The following SYNPR variants were observed in gnomAD, a reference collection of about 807,000 sequenced individuals.
The protein encoded by SYNPR is synaptoporin.
In SYNPR, 23 loss-of-function variants were observed where a neutral mutation model predicts 32.9. The observed-to-expected ratio is 0.70, with a 90% CI of 0.50 to 0.99. The LOEUF (loss-of-function observed/expected upper bound fraction) is 0.99, where lower values mean the gene tolerates loss of function less well. SYNPR is among the 50% of genes least tolerant of loss of function. The probability of loss-of-function intolerance (pLI) is 0.00; values close to 1 mark genes in which losing one functional copy is unlikely to be tolerated. For missense variants in SYNPR, 318 were observed against 349.3 expected (o/e 0.91, Z 0.71); for synonymous variants, 146 against 135.9 (o/e 1.07, Z -0.52).
chr3:63,254,464 A>T (rs548584731), intron 2 of SYNPR, among the ~76,000 whole-genome samples: 25 of 152,332 alleles, frequency 1.6e-4, no homozygotes, highest in African/African-American at 5.8e-4. Flanking sequence ...AGACTACATC[A>T]TAAGCTGCTG....
At chr3:63,609,859 A>G (rs2106904873) in intron 5 of SYNPR, among the ~76,000 whole-genome samples, 1 of 152,290 alleles carries the variant, frequency 6.6e-6, no homozygotes, top group East Asian at 1.9e-4. Flanking sequence ...GCAGTGAGCC[A>G]AGATCAGGCC....
intron 2 of SYNPR, among the ~76,000 whole-genome samples, chr3:63,442,186 T>TGTGTGC (rs1177348502): frequency 2.8e-5 from 4 of 140,952 alleles, no homozygotes; most frequent in South Asian, 2.2e-4. Context: ...TGTGTGTGTG[T>TGTGTGC]GCACGCATGA....
chr3:63,219,446 A>C, the SYNPR span, among the ~76,000 whole-genome samples: 1 of 152,152 alleles, frequency 6.6e-6, no homozygotes, highest in Non-Finnish European at 1.5e-5. Flanking sequence ...GAAACCTTTG[A>C]AGAGTTTTAA....
intron 2 of SYNPR, among the ~76,000 whole-genome samples, chr3:63,330,930 ACTGT>A (rs1409439135): frequency 6.6e-6 from 1 of 152,156 alleles, no homozygotes; most frequent in Non-Finnish European, 1.5e-5. Flanking sequence ...CTACGATGAA[ACTGT>A]CTGTTCAGAC....
chr3:63,407,925 G>A (rs1575628558), intron 2 of SYNPR, among the ~76,000 whole-genome samples: 1 of 151,924 alleles, frequency 6.6e-6, no homozygotes, highest in Non-Finnish European at 1.5e-5. Flanking sequence ...ATGTCCAGTT[G>A]TGTTGGGGCT....
intron 3 of SYNPR, among the ~76,000 whole-genome samples, chr3:63,528,444 C>T (rs7639778): frequency 0.25 from 37,662 of 151,910 alleles, 4,790 homozygotes; most frequent in East Asian, 0.33. Flanking sequence ...AGAGACTAGA[C>T]TTAAACTAGC....
chr3:63,539,995 G>A (rs1417865844), intron 3 of SYNPR, among the ~76,000 whole-genome samples: 1 of 152,088 alleles, frequency 6.6e-6, no homozygotes, highest in Non-Finnish European at 1.5e-5. Flanking sequence ...GATAGAGGAA[G>A]GCCCTCAAAC....
chr3:63,248,554 G>A (rs1025215848), intron 1 of SYNPR, among the ~76,000 whole-genome samples: 1 of 152,086 alleles, frequency 6.6e-6, no homozygotes. Context: ...TCGAGGTGTT[G>A]AGAAAAAATT....
upstream of SYNPR, among the ~76,000 whole-genome samples, chr3:63,228,152 G>C (rs1490676687): frequency 2.0e-5 from 3 of 152,152 alleles, no homozygotes; most frequent in Non-Finnish European, 4.4e-5. Flanking sequence ...AATTGCCTTT[G>C]ATGACTGGGA....
At chr3:63,442,664 G>A (rs541367665) in intron 2 of SYNPR, among the ~76,000 whole-genome samples, 1 of 152,144 alleles carries the variant, frequency 6.6e-6, no homozygotes, top group Non-Finnish European at 1.5e-5. Flanking sequence ...TAATTTTGAG[G>A]TTTTGCAGGA....
At chr3:63,513,242 A>G (rs1312083419) in intron 3 of SYNPR, among the ~76,000 whole-genome samples, 1 of 139,800 alleles carries the variant, frequency 7.2e-6, no homozygotes, top group Non-Finnish European at 1.5e-5. Context: ...ATTGAGGTGA[A>G]ATCTCACTGT....
At chr3:63,259,590 A>G (rs921247385) in intron 2 of SYNPR, among the ~76,000 whole-genome samples, 8 of 152,222 alleles carry the variant, frequency 5.3e-5, no homozygotes, top group African/African-American at 1.9e-4. Context: ...AATAAGAGCT[A>G]TCTATGACAA....
chr3:63,593,228 CTT>C (rs1699872794), intron 4 of SYNPR, among the ~76,000 whole-genome samples: 1 of 152,076 alleles, frequency 6.6e-6, no homozygotes, highest in Non-Finnish European at 1.5e-5. Flanking sequence ...TTGAACAGCT[CTT>C]AATTTGCTAA....
intron 3 of SYNPR, among the ~76,000 whole-genome samples, chr3:63,544,679 T>C (rs1702369008): frequency 6.6e-6 from 1 of 152,136 alleles, no homozygotes; most frequent in Non-Finnish European, 1.5e-5. Context: ...TAATAGAATA[T>C]GCCTGTTTCC....
chr3:63,344,877 G>T (rs2087416472), intron 2 of SYNPR, among the ~76,000 whole-genome samples: 1 of 152,094 alleles, frequency 6.6e-6, no homozygotes, highest in Admixed American at 6.5e-5. Flanking sequence ...AATTGTAGGG[G>T]ATCAAAGCTA....
At chr3:63,615,060 C>A (rs536463730) in intron 5 of SYNPR, among the ~76,000 whole-genome samples, 164 bp from the exon 6 acceptor site, 1 of 152,132 alleles carries the variant, frequency 6.6e-6, no homozygotes, top group East Asian at 1.9e-4. Flanking sequence ...TAATAAAGGT[C>A]AAATATTCTA....
intron 2 of SYNPR, among the ~76,000 whole-genome samples, chr3:63,313,021 T>C (rs928863035): frequency 2.0e-5 from 3 of 152,010 alleles, no homozygotes; most frequent in Non-Finnish European, 1.5e-5. Flanking sequence ...AGTTTGTTCC[T>C]TTGTTATTGC....
chr3:63,575,626 G>T (rs1004058506), intron 4 of SYNPR, among the ~76,000 whole-genome samples: 4 of 152,114 alleles, frequency 2.6e-5, no homozygotes, highest in African/African-American at 7.2e-5. Flanking sequence ...CTTACTCAGA[G>T]AAAATGTCAG....
At chr3:63,375,274 A>G (rs1357251823) in intron 2 of SYNPR, among the ~76,000 whole-genome samples, 1 of 152,202 alleles carries the variant, frequency 6.6e-6, no homozygotes, top group Non-Finnish European at 1.5e-5. Context: ...ATGCACACGT[A>G]TGTTTACTGC....
Sources: allele counts gnomAD v4.1 joint callset (sites outside exome capture counted in the v4.1 genomes callset), GRCh38; gene constraint gnomAD v4.1.1; transcripts MANE v1.5; gene names NCBI Gene and HGNC (gene_info 2026-07-23, HGNC 2026-07-21).